TRIM66: variants seen among roughly 807,000 people sequenced by gnomAD.
The protein encoded by TRIM66 is tripartite motif-containing protein 66.
TRIM66 carries 99 observed loss-of-function variants against 148.2 expected under a neutral mutation model. The observed-to-expected ratio is 0.67, with a 90% CI of 0.57 to 0.79. The LOEUF is 0.79. Ranked by LOEUF, TRIM66 falls within the 30% of genes least tolerant of loss-of-function variation. The pLI is 0.00. For missense variants in TRIM66, 1,666 were observed against 1,697.9 expected (o/e 0.98, Z 0.33); for synonymous variants, 616 against 635.9 (o/e 0.97, Z 0.47).
intron 6 of TRIM66, among the ~76,000 whole-genome samples, chr11:8,667,330 C>T (rs2038664842): frequency 6.6e-6 from 1 of 152,120 alleles, no homozygotes; most frequent in Non-Finnish European, 1.5e-5. Context: ...GCACAGACAA[C>T]AACAACAAAA....
intron 6 of TRIM66, among the ~76,000 whole-genome samples, chr11:8,670,094 C>T: frequency 6.7e-6 from 1 of 150,248 alleles, no homozygotes. Context: ...CTCACTGCAA[C>T]TTCCACCTCC....
intron 6 of TRIM66, among the ~76,000 whole-genome samples, chr11:8,652,798 C>A (rs1250308410): frequency 1.3e-5 from 2 of 152,160 alleles, no homozygotes; most frequent in Non-Finnish European, 2.9e-5. Context: ...TGCAGCAGTA[C>A]CGCTACAATC....
chr11:8,661,587 G>A (rs1169347759), intron 6 of TRIM66, among the ~76,000 whole-genome samples: 2 of 152,210 alleles, frequency 1.3e-5, no homozygotes, highest in Non-Finnish European at 2.9e-5. Flanking sequence ...TTCTGGGTCT[G>A]TAGTTTCTAC....
chr11:8,663,670 G>A (rs560230606), intron 6 of TRIM66, among the ~76,000 whole-genome samples: 1 of 152,194 alleles, frequency 6.6e-6, no homozygotes, highest in East Asian at 1.9e-4. Flanking sequence ...GCATGTCAGA[G>A]ACATACCTGC....
At chr11:8,682,457 C>G (rs1015395796) in intron 1 of TRIM66, 144 bp downstream of exon 1, 2 of 373,764 alleles carry the variant, frequency 5.4e-6, no homozygotes, top group Non-Finnish European at 9.8e-6. Flanking sequence ...CAACGAGGCC[C>G]TTAGGGTCGG....
chr11:8,663,127 AC>A (rs1355102252), intron 6 of TRIM66: 3 of 152,050 alleles, frequency 2.0e-5, no homozygotes, highest in Admixed American at 2.0e-4. Flanking sequence ...CCACACTCCT[AC>A]CTTTGCTCTG....
chr11:8,682,124 G>C (rs2133599692), intron 1 of TRIM66, among the ~76,000 whole-genome samples: 1 of 152,294 alleles, frequency 6.6e-6, no homozygotes, highest in South Asian at 2.1e-4. Flanking sequence ...AAAGCAACCA[G>C]GCATCTAAGT....
intron 15 of TRIM66, among the ~76,000 whole-genome samples, chr11:8,633,808 G>T (rs1262465624): frequency 2.0e-5 from 3 of 152,028 alleles, no homozygotes; most frequent in African/African-American, 7.3e-5. Flanking sequence ...TCCAGCTTTG[G>T]GTTTTAATTT....
chr11:8,672,247 C>G lies in TRIM66; in HGVS notation c.27+1G>C, dbSNP rs1282209727. ...CTCATGCCTCAGCCTCAGTTCCTCA[C>G]CTGGGACCAAAAAGAGAGTCTAGCC... On this transcript the variant is annotated splice_donor_variant, in intron 5 of 24. Coordinates refer to ENST00000646038, the MANE Select transcript of TRIM66 (RefSeq NM_001388022.1). LOFTEE classifies it high-confidence loss of function. 6.5e-7 allele frequency: 1 copy of G among 1,536,144 alleles called. No individual in the cohort carries two copies. The highest frequency in any genetic ancestry group is 1.2e-5 in the South Asian group (1 of 84,066).
chr11:8,671,983 G>C lies in TRIM66; in HGVS notation c.143C>G (p.Pro48Arg). The change falls in exon 6 of 25, where the codon CCA (proline) becomes CGA (arginine). Residue 48 changes from proline (P) to arginine (R), a missense_variant. Transcript: ENST00000646038. ...VDMGMSFMGL[P>R]LAGQKHCPKS... is the part of the protein sequence containing the mutation. ...AGGGCAGTGTTTCTGGCCAGCTAGT[G>C]GCAGCCCCATAAAGCTCATGCCCAT... The C allele has an allele frequency of 6.5e-7, 1 of 1,536,112 alleles. No homozygotes were observed. Among genetic ancestry groups the C allele is most frequent in the Middle Eastern group, 1.7e-4 (1 of 5,986 alleles).
intron 2 of TRIM66, 21 bp from the exon 3 acceptor site, chr11:8,679,835 T>A (rs1045721794): frequency 6.6e-6 from 1 of 152,542 alleles, no homozygotes; most frequent in African/African-American, 2.4e-5. Flanking sequence ...AGAGAGGGAC[T>A]GGTCACTGAG....
chr11:8,672,746 C>G (rs1401360060), intron 4 of TRIM66, among the ~76,000 whole-genome samples: 1 of 151,518 alleles, frequency 6.6e-6, no homozygotes, highest in Non-Finnish European at 1.5e-5. Context: ...CTCATCCCAC[C>G]TCAGCCTCAC....
Position 8,646,545 on chromosome 11 carries a change from G to A in TRIM66, c.859C>T (p.His287Tyr), listed in dbSNP as rs944396171. The A allele has an allele frequency of 6.4e-7, 1 of 1,551,740 alleles. No homozygotes were observed. Among genetic ancestry groups the A allele is most frequent in the African/African-American group, 1.4e-5 (1 of 73,142 alleles). Reference protein sequence around the residue: ...QIEDRIFEVKHQHRKVENQIK... With the variant: ...QIEDRIFEVKYQHRKVENQIK... ...TGGTTTTCCACCTTCCTATGCTGAT[G>A]CTTCACTTCAAAAATCCTGTAAACA... Residue 287 changes from histidine to tyrosine, a missense_variant, in exon 11 of 25, where the codon CAT becomes TAT. Around this residue, in one of 3 missense-constraint regions of TRIM66, gnomAD observed 1,431 missense variants for 1,412.4 expected, o/e 1.01. Transcript: ENST00000646038.
chr11:8,657,879 C>T (rs1006838722), intron 6 of TRIM66, among the ~76,000 whole-genome samples: 2 of 152,260 alleles, frequency 1.3e-5, no homozygotes, highest in Non-Finnish European at 2.9e-5. Context: ...GCTGCTTCTG[C>T]CCCAGCTGCC....
chr11:8,620,620 G>A (rs1199318412), intron 20 of TRIM66, 48 bp from the exon 21 acceptor site: 1 of 1,540,504 alleles, frequency 6.5e-7, no homozygotes, highest in Admixed American at 2.0e-5. Context: ...ATTGCCCAGA[G>A]CACCCTTCCC....
chr11:8,654,962 G>A (rs2037689728), intron 6 of TRIM66, among the ~76,000 whole-genome samples: 1 of 152,156 alleles, frequency 6.6e-6, no homozygotes, highest in Non-Finnish European at 1.5e-5. Flanking sequence ...CTGGGTTCAA[G>A]CAATTATCCC....
At chr11:8,624,271 T>C in intron 17 of TRIM66, 88 bp downstream of exon 17, 5 of 1,412,208 alleles carry the variant, frequency 3.5e-6, no homozygotes, top group South Asian at 2.7e-5. Context: ...AGCTTAGAGC[T>C]TGTCTGCTGG....
At position 8,619,441 on chromosome 11, in the gene TRIM66, G is replaced by C; in HGVS notation, c.3842C>G (p.Pro1281Arg). The C allele has an allele frequency of 6.4e-7, 1 of 1,550,780 alleles. No homozygotes were observed. Among genetic ancestry groups the C allele is most frequent in the Non-Finnish European group, 8.7e-7 (1 of 1,146,644 alleles). Reference protein sequence around the residue: ...QKKDPAHYTTPEEVVSDVRLM... With the variant: ...QKKDPAHYTTREEVVSDVRLM... Reference sequence around the variant, plus strand: ...GCGCACATCTGATACCACCTCCTCTGGGGTGGTATAGTGAGCTGGGTCCTT... The same window carrying C: ...GCGCACATCTGATACCACCTCCTCTCGGGTGGTATAGTGAGCTGGGTCCTT... Residue 1281 changes from proline to arginine, a missense_variant, in exon 23 of 25, where the codon CCA becomes CGA. Coordinates refer to ENST00000646038, the MANE Select transcript of TRIM66 (RefSeq NM_001388022.1).
intron 6 of TRIM66, among the ~76,000 whole-genome samples, chr11:8,670,605 T>C (rs1192487553): frequency 6.6e-6 from 1 of 152,232 alleles, no homozygotes. Flanking sequence ...CATTTTATTT[T>C]ATAAAAGCCA....
Sources: gnomAD v4.1 joint callset for allele counts (sites outside exome capture counted in the v4.1 genomes callset) on GRCh38, gnomAD v4.1.1 for gene constraint, gnomAD v4.1.1 regional missense constraint, MANE v1.5 for transcripts, NCBI Gene and HGNC (gene_info 2026-07-23, HGNC 2026-07-21) for gene names.